The following TAF7L variants were observed in gnomAD, a reference collection of about 807,000 sequenced individuals.
The protein encoded by TAF7L is TATA-box binding protein associated factor 7 like.
Under a neutral mutation model 30.2 loss-of-function variants are expected in TAF7L, and 6 were observed. That is an observed-to-expected ratio of 0.20 (90% CI 0.11 to 0.39). TAF7L has a LOEUF of 0.39. Ranked by LOEUF, TAF7L falls within the 10% of genes least tolerant of loss-of-function variation. The pLI, the probability that TAF7L is intolerant of heterozygous loss-of-function variation, is 1.00. For synonymous variants in TAF7L, 93 were observed against 94.5 expected, an observed-to-expected ratio of 0.98 and a Z score of 0.09; for missense variants, 284 against 277.1, an observed-to-expected ratio of 1.03 and a Z score of -0.18.
intron 3 of TAF7L, among the ~76,000 whole-genome samples, chrX:101,286,168 G>C (rs1453415585): frequency 4.1e-5 from 4 of 97,629 alleles, no homozygotes; most frequent in Non-Finnish European, 8.1e-5. Context: ...GCGACAGAGC[G>C]AGACTCCATC....
rs1266576400 is a variant in TAF7L at position 101,286,604 on chromosome X, A to G, written c.116T>C (p.Met39Thr). 4.1e-6 allele frequency: 5 copies of G among 1,208,305 alleles called. No homozygotes were observed. In the East Asian group the frequency reaches 1.5e-4, roughly 36 times the overall value. The change falls in exon 3 of 13, where the codon ATG (methionine) becomes ACG (threonine). Residue 39 changes from methionine (M) to threonine (T), a missense_variant. Coordinates refer to ENST00000356784, the MANE Select transcript of TAF7L (RefSeq NM_001168474.2). Reference sequence around the variant, plus strand: ...TAAGTCAATTTTTAGTTTATCCTTCATCTTGACACTTTGAGAACGTGCTAG... The same window carrying G: ...TAAGTCAATTTTTAGTTTATCCTTCGTCTTGACACTTTGAGAACGTGCTAG... ...RNLARSQSVK[M>T]KDKLKIDLLP... is the part of the protein sequence containing the mutation.
At chrX:101,281,831 G>T in intron 5 of TAF7L, 56 bp from the exon 6 acceptor site, 1 of 1,037,714 alleles carries the variant, frequency 9.6e-7, no homozygotes, top group Non-Finnish European at 1.3e-6. Flanking sequence ...TCACATAGCT[G>T]AATTTGATAA....
At chrX:101,269,764 C>T (rs923044176) in intron 12 of TAF7L, among the ~76,000 whole-genome samples, 3 of 111,398 alleles carry the variant, frequency 2.7e-5, no homozygotes, top group Non-Finnish European at 5.6e-5. Flanking sequence ...TCCCACAACA[C>T]GTGGGAATTA....
chrX:101,287,319 C>T (rs772054561), intron 2 of TAF7L, among the ~76,000 whole-genome samples, 159 bp downstream of exon 2: 1 of 111,678 alleles, frequency 9.0e-6, no homozygotes, highest in Non-Finnish European at 1.9e-5. Flanking sequence ...AAAAAGTACA[C>T]GCTATGATAG....
At chrX:101,281,804 T>C in intron 5 of TAF7L, 29 bp from the exon 6 acceptor site, 2 of 1,162,042 alleles carry the variant, frequency 1.7e-6, no homozygotes, top group South Asian at 3.6e-5. Flanking sequence ...AGTGAAACGT[T>C]ATATGACTGA....
rs1005206920 is a variant in TAF7L, at chrX:101,286,192, A to AAAAGAAAGAAAGAAAGAAAGAAAGAAAG, written c.145+355_145+382dup. ...CGAGACTCCATCTCAAAAAAAAAAA[A>AAAAGAAAGAAAGAAAGAAAGAAAGAAAG]AAAGAAAGAAAGAAAGAAAGAAAGA... On this transcript the variant is annotated intron_variant, in intron 3 of 12. Transcript: ENST00000356784. Among the ~76,000 whole-genome samples, 97 of 106,277 alleles carry AAAAGAAAGAAAGAAAGAAAGAAAGAAAG rather than the reference A, an allele frequency of 9.1e-4. No individual in the cohort carries two copies. The Middle Eastern group carries it at 0.015, about 16-fold the overall frequency. The allele number at this position is 106,277 out of a possible 115,157, so 92.3% of individuals were successfully genotyped here.
intron 7 of TAF7L, among the ~76,000 whole-genome samples, 196 bp from the exon 8 acceptor site, chrX:101,278,317 A>G (rs183364131): frequency 1.6e-4 from 18 of 112,390 alleles, no homozygotes; most frequent in Admixed American, 4.7e-4. Flanking sequence ...TGTACAGTAA[A>G]CTTACTTTTT....
At chrX:101,279,774 G>A (rs934272504) in intron 6 of TAF7L, among the ~76,000 whole-genome samples, 1 of 111,595 alleles carries the variant, frequency 9.0e-6, no homozygotes, top group Non-Finnish European at 1.9e-5. Flanking sequence ...ATTGACAGAT[G>A]GATCAGTGGA....
intron 6 of TAF7L, among the ~76,000 whole-genome samples, chrX:101,280,047 A>T (rs1288427743): frequency 2.3e-5 from 1 of 43,975 alleles, no homozygotes; most frequent in Non-Finnish European, 4.6e-5. Flanking sequence ...AAAAAGATGT[A>T]AAAAAAAAAA....
At position 101,269,245 on chromosome X, in the gene TAF7L, G is replaced by A. The variant is rs1923891893; in HGVS notation, c.1087-8C>T. The A allele has an allele frequency of 1.7e-6, 2 of 1,201,077 alleles. No homozygotes were observed. Among genetic ancestry groups the A allele is most frequent in the South Asian group, 3.6e-5 (2 of 55,004 alleles). On this transcript the variant is annotated splice_region_variant and splice_polypyrimidine_tract_variant and intron_variant, in intron 12 of 12. Coordinates refer to ENST00000356784, the MANE Select transcript of TAF7L (RefSeq NM_001168474.2). ...TTCCTGTAGGGAAATGAGCTGTAGG[G>A]AGAGGTAGAAAGACATGAAAAATTC...
At chrX:101,288,648 C>T (rs1924695656) in intron 1 of TAF7L, among the ~76,000 whole-genome samples, 1 of 110,437 alleles carries the variant, frequency 9.1e-6, no homozygotes, top group South Asian at 3.8e-4. Flanking sequence ...CTCACAATCA[C>T]CACTTACTTC....
chrX:101,284,500 G>A (rs1924516086), intron 3 of TAF7L, among the ~76,000 whole-genome samples: 1 of 111,762 alleles, frequency 8.9e-6, no homozygotes, highest in African/African-American at 3.3e-5. Flanking sequence ...AAATAGCTAG[G>A]ATTACAGGTG....
chrX:101,274,751 A>G (rs1368788151), intron 12 of TAF7L, among the ~76,000 whole-genome samples: 1 of 111,631 alleles, frequency 9.0e-6, no homozygotes, highest in Non-Finnish European at 1.9e-5. Flanking sequence ...ACTTGTTTTT[A>G]TCAGTCTTTC....
In TAF7L at chrX:101,287,924, G is replaced by A. The variant is rs139300475; in HGVS notation, c.-2-379C>T. ...CTACCTAAGCAAACTAACCTCTGTA[G>A]GGAAGAATGCAAACCAAAAGCTGAA... is the stretch of plus-strand genomic sequence containing the variant. On this transcript the variant is annotated intron_variant, in intron 1 of 12. Transcript: ENST00000356784. 2.1e-3 allele frequency: 280 copies of A among 130,597 alleles called. 1 individual carries two copies. The highest frequency in any genetic ancestry group is 8.5e-3 in the African/African-American group (269 of 31,556). The allele number at this position is 130,597 out of a possible 1,213,427, so 10.8% of individuals were successfully genotyped here.
Position 101,276,519 on chromosome X carries a change from A to T in TAF7L, c.701T>A (p.Met234Lys). The stretch of plus-strand genomic sequence containing the variant: ...AGAATCACTGAACATCTCCCGAAGC[A>T]TATCATATTCTACTAGTTTTAAGCA... ...KQGHTSSEYD[M>K]LREMFSDSRS... is the part of the protein sequence containing the mutation. The change falls in exon 10 of 13, where the codon ATG becomes AAG. Residue 234 changes from methionine (M) to lysine (K), a missense_variant. Transcript: ENST00000356784. The T allele has an allele frequency of 8.3e-7, 1 of 1,210,916 alleles. No individual in the cohort carries two copies. The highest frequency in any genetic ancestry group is 1.1e-6 in the Non-Finnish European group (1 of 895,209).
chrX:101,272,841 G>A lies in TAF7L; in HGVS notation c.1086+2381C>T, dbSNP rs374611830. Among the ~76,000 whole-genome samples, 173 of 111,369 alleles carry A rather than the reference G, an allele frequency of 1.6e-3. 1 individual carries two copies. The highest frequency in any genetic ancestry group is 4.7e-3 in the African/African-American group (143 of 30,608). On this transcript the variant is annotated intron_variant, in intron 12 of 12. Transcript: ENST00000356784. ...TCTGTCACCCAGGCTGGAGTGCAGT[G>A]GTGGGATCTCTGCTCACTGCAACCT...
upstream of TAF7L, chrX:101,292,724 T>G: frequency 8.6e-7 from 1 of 1,166,596 alleles, no homozygotes; most frequent in Non-Finnish European, 1.1e-6. Context: ...TGAATCGAAC[T>G]AAAAGCAGTT....
intron 3 of TAF7L, among the ~76,000 whole-genome samples, chrX:101,286,180 C>CAAAA (rs1188025833): frequency 2.2e-5 from 1 of 46,249 alleles, no homozygotes. Flanking sequence ...GACTCCATCT[C>CAAAA]AAAAAAAAAA....
intron 4 of TAF7L, among the ~76,000 whole-genome samples, chrX:101,283,218 A>ATG (rs1275277991): frequency 8.9e-6 from 1 of 112,307 alleles, no homozygotes; most frequent in Non-Finnish European, 1.9e-5. Flanking sequence ...AAAAGTCACT[A>ATG]TAAGTGGCAA....
Sources: allele counts gnomAD v4.1 joint callset (sites outside exome capture counted in the v4.1 genomes callset), GRCh38; gene constraint gnomAD v4.1.1; transcripts MANE v1.5; gene names NCBI Gene and HGNC (gene_info 2026-07-23, HGNC 2026-07-21).